GBF1: variants seen among roughly 807,000 people sequenced by gnomAD.
GBF1 encodes the protein Golgi-specific brefeldin A-resistance guanine nucleotide exchange factor 1.
A neutral mutation model predicts 210.5 loss-of-function variants in GBF1; 114 were observed. That is an observed-to-expected ratio of 0.54 (90% CI 0.47 to 0.63). The LOEUF is 0.63. Ranked by LOEUF, GBF1 falls within the 30% of genes least tolerant of loss-of-function variation. The pLI is 0.00. For synonymous variants in GBF1, 850 were observed against 889.2 expected (o/e 0.96, Z 0.78); for missense variants, 1,851 against 2,357.7 (o/e 0.79, Z 4.45).
At position 102,250,427 on chromosome 10, in the gene GBF1, G is replaced by A. The variant is rs2071367391; in HGVS notation, c.-11+4646G>A. ...CCCAGAGTCCAGTGGTGTCATCATA[G>A]CCCATTGCAGCCTTGATTTTTTTTG... is the stretch of plus-strand genomic sequence containing the variant. On this transcript the variant is annotated intron_variant, in intron 1 of 39. Transcript: ENST00000369983. Among the ~76,000 whole-genome samples, 13 of 152,138 alleles carry A rather than the reference G, an allele frequency of 8.5e-5. 2 individuals carry two copies. In the South Asian group the frequency reaches 2.5e-3, roughly 29 times the overall value.
At chr10:102,334,396 G>A (rs1008106824) in intron 3 of GBF1, among the ~76,000 whole-genome samples, 2 of 152,174 alleles carry the variant, frequency 1.3e-5, no homozygotes, top group African/African-American at 2.4e-5. Context: ...AGGCTGCTGC[G>A]GCCTGGAGAA....
Position 102,379,551 on chromosome 10 carries a change from G to A in GBF1, c.4676G>A (p.Arg1559His). ...GCCTGCCTGTGCTGCGATGCCCGGC[G>A]CCAGGTACGGATGCAGGCACTGACC... ...GIACLCCDAR[R>H]QVRMQALTYL... Residue 1559 changes from arginine (R) to histidine (H), a missense_variant, in exon 35 of 40, where the codon CGC becomes CAC. Around this residue, in one of 3 missense-constraint regions of GBF1, gnomAD observed 967 missense variants for 1,247.7 expected, o/e 0.78. Coordinates refer to ENST00000369983, the MANE Select transcript of GBF1 (RefSeq NM_001377137.1). 10 of 1,614,108 alleles carry A rather than the reference G, an allele frequency of 6.2e-6. No individual in the cohort carries two copies. The highest frequency in any genetic ancestry group is 1.1e-5 in the South Asian group (1 of 91,076).
At position 102,359,445 on chromosome 10, in the gene GBF1, C is replaced by A. The variant is rs377567132; in HGVS notation, c.1180+10C>A. 8 of 1,605,358 alleles carry A rather than the reference C, an allele frequency of 5.0e-6. No homozygotes were observed. The highest frequency in any genetic ancestry group is 2.7e-5 in the African/African-American group (2 of 74,812). Reference sequence around the variant, plus strand: ...TCCTCCCAGAAAGAAGGTGGGTATTCTGGTAGGCTCTGCCAATTCACCTCC... The same window carrying A: ...TCCTCCCAGAAAGAAGGTGGGTATTATGGTAGGCTCTGCCAATTCACCTCC... On this transcript the variant is annotated intron_variant, in intron 11 of 39. Coordinates refer to ENST00000369983, the MANE Select transcript of GBF1 (RefSeq NM_001377137.1).
At position 102,376,269 on chromosome 10, in the gene GBF1, T is replaced by A; in HGVS notation, c.3887-3T>A. 6.2e-7 allele frequency: 1 copy of A among 1,612,664 alleles called. No individual in the cohort carries two copies. Among genetic ancestry groups the A allele is most frequent in the East Asian group, 2.2e-5 (1 of 44,832 alleles). On this transcript the variant is annotated splice_polypyrimidine_tract_variant and splice_region_variant and intron_variant, in intron 30 of 39. Coordinates refer to ENST00000369983, the MANE Select transcript of GBF1 (RefSeq NM_001377137.1). Reference sequence around the variant, plus strand: ...ACTCTGCCCTTCTCCCTGCCTACCATAGGGGCCCAGTCAGATAGTGAGCTC... The same window carrying A: ...ACTCTGCCCTTCTCCCTGCCTACCAAAGGGGCCCAGTCAGATAGTGAGCTC...
intron 35 of GBF1, 98 bp downstream of exon 35, chr10:102,379,749 C>T: frequency 1.3e-6 from 2 of 1,482,742 alleles, no homozygotes; most frequent in South Asian, 1.1e-5. Flanking sequence ...CAGCCTGCAT[C>T]ATACCTTCCC....
chr10:102,273,287 G>A (rs550302836), intron 3 of GBF1, among the ~76,000 whole-genome samples: 20 of 152,106 alleles, frequency 1.3e-4, no homozygotes, highest in Admixed American at 2.6e-4. Context: ...AGCCGAAGTC[G>A]CGCCACTGCA....
At chr10:102,370,541 A>C in intron 28 of GBF1, 63 bp downstream of exon 28, 1 of 1,410,206 alleles carries the variant, frequency 7.1e-7, no homozygotes, top group African/African-American at 1.4e-5. Context: ...GATGGAAGCC[A>C]TCTTGCTGAG....
chr10:102,342,379 TCACACACACGCACACACA>T (rs2058252720), intron 3 of GBF1, among the ~76,000 whole-genome samples: 1 of 149,720 alleles, frequency 6.7e-6, no homozygotes, highest in Non-Finnish European at 1.5e-5. Context: ...TTTCAGTTTT[TCACACACACGCACACACA>T]CACACACACA....
At chr10:102,242,928 C>CAAAAAAAAAAAAAAAAAAAAAA (rs58301527), upstream of GBF1, among the ~76,000 whole-genome samples, 51 of 132,400 alleles carry the variant, frequency 3.9e-4, no homozygotes, top group African/African-American at 1.4e-3. Flanking sequence ...GACTCTGTCT[C>CAAAAAAAAAAAAAAAAAAAAAA]AAAAAAAAAA....
intron 3 of GBF1, among the ~76,000 whole-genome samples, chr10:102,282,830 T>C (rs1053292929): frequency 6.6e-6 from 1 of 152,210 alleles, no homozygotes; most frequent in African/African-American, 2.4e-5. Flanking sequence ...TTGGGTAGGC[T>C]GAAGTTCTGG....
rs781250160 is a variant in GBF1, at chr10:102,368,756, C to G, written c.2897C>G (p.Ser966Cys). The G allele has an allele frequency of 6.2e-7, 1 of 1,612,510 alleles. No individual in the cohort carries two copies. Among genetic ancestry groups the G allele is most frequent in the Non-Finnish European group, 8.5e-7 (1 of 1,178,554 alleles). Residue 966 changes from serine (S) to cysteine (C), a missense_variant, in exon 23 of 40, where the codon TCC becomes TGC. Ser to Cys is a moderately radical substitution (Grantham distance 112). This residue lies in a region of GBF1 where 967 missense variants were observed against 1,247.7 expected (regional missense o/e 0.78). Transcript: ENST00000369983. ...ISGFRKCAMI[S>C]AHYGLSDVFD... ...CATTACAGGAAGTGCGCCATGATCT[C>G]CGCCCACTATGGCCTCAGCGATGTG... is the stretch of plus-strand genomic sequence containing the variant.
intron 1 of GBF1, among the ~76,000 whole-genome samples, chr10:102,254,112 C>T (rs1197057503): frequency 2.6e-5 from 4 of 152,226 alleles, no homozygotes; most frequent in Non-Finnish European, 5.9e-5. Context: ...TATCTTTTCC[C>T]TCTTTTTTAT....
chr10:102,356,766 CA>C (rs761159635), intron 8 of GBF1, among the ~76,000 whole-genome samples: 22,475 of 84,540 alleles, frequency 0.27, 1,376 homozygotes, highest in Middle Eastern at 0.36. Context: ...GACTCTGTCT[CA>C]AAAAAAAAAA....
chr10:102,362,641 A>T lies in GBF1; in HGVS notation c.1853A>T (p.Asp618Val). 1 of 1,614,038 alleles carries T rather than the reference A, an allele frequency of 6.2e-7. No homozygotes were observed. The highest frequency in any genetic ancestry group is 8.5e-7 in the Non-Finnish European group (1 of 1,179,878). ...GCCAGACCAAGCTGTGAGATAGTAG[A>T]TGGCACCCGAGAAGCTAGCAATAGT... ...ETARPSCEIVDGTREASNTER... is the reference protein window; with the variant it reads ...ETARPSCEIVVGTREASNTER... Residue 618 changes from aspartate (D) to valine (V), a missense_variant, in exon 15 of 40, where the codon GAT becomes GTT. Transcript: ENST00000369983.
At chr10:102,244,491 T>C (rs939677972), upstream of GBF1, among the ~76,000 whole-genome samples, 31 of 152,206 alleles carry the variant, frequency 2.0e-4, no homozygotes, top group African/African-American at 7.2e-4. Flanking sequence ...GTAACCTCTA[T>C]CATCTCTTGC....
At chr10:102,381,714 A>C (rs1332786689) in intron 39 of GBF1, among the ~76,000 whole-genome samples, 5 of 150,512 alleles carry the variant, frequency 3.3e-5, no homozygotes, top group Non-Finnish European at 7.4e-5. Context: ...AATCCCAGCT[A>C]CTGGGGAGGC....
chr10:102,380,847 A>C (rs1565191461), intron 38 of GBF1, among the ~76,000 whole-genome samples, 161 bp downstream of exon 38: 2 of 152,188 alleles, frequency 1.3e-5, no homozygotes, highest in African/African-American at 4.8e-5. Flanking sequence ...ATGTCTACGA[A>C]AAATACAAAA....
chr10:102,348,588 C>T (rs1226649514), intron 4 of GBF1, among the ~76,000 whole-genome samples: 1 of 152,100 alleles, frequency 6.6e-6, no homozygotes, highest in East Asian at 1.9e-4. Flanking sequence ...AGATAGAGGC[C>T]CTGAGAGTAT....
intron 3 of GBF1, among the ~76,000 whole-genome samples, chr10:102,301,717 C>T (rs1168625487): frequency 6.8e-6 from 1 of 148,088 alleles, no homozygotes; most frequent in African/African-American, 2.5e-5. Context: ...GGCGGCTGGG[C>T]AGAGACGCTC....
Sources: gnomAD v4.1 joint callset for allele counts (sites outside exome capture counted in the v4.1 genomes callset) on GRCh38, gnomAD v4.1.1 for gene constraint, gnomAD v4.1.1 regional missense constraint, MANE v1.5 for transcripts, NCBI Gene and HGNC (gene_info 2026-07-23, HGNC 2026-07-21) for gene names.